PATJ: variants seen among roughly 807,000 people sequenced by gnomAD.
PATJ encodes PATJ crumbs cell polarity complex component, also known as inaD-like protein.
A neutral mutation model predicts 224.9 loss-of-function variants in PATJ; 190 were observed. That is an observed-to-expected ratio of 0.84 (90% confidence interval 0.75 to 0.95). The LOEUF is 0.95. PATJ is among the 40% of genes least tolerant of loss of function. PATJ has a pLI of 0.00. For synonymous variants in PATJ, 769 were observed against 820.3 expected, an observed-to-expected ratio of 0.94 and a Z score of 1.07; for missense variants, 2,121 against 2,270.3, an observed-to-expected ratio of 0.93 and a Z score of 1.34.
chr1:61,835,387 C>A (rs937164455), intron 17 of PATJ, among the ~76,000 whole-genome samples: 1 of 151,700 alleles, frequency 6.6e-6, no homozygotes, highest in Non-Finnish European at 1.5e-5. Flanking sequence ...ATAGGCCTGA[C>A]CTTTTTGTTT....
intron 17 of PATJ, among the ~76,000 whole-genome samples, chr1:61,841,247 G>T (rs1407078619): frequency 6.6e-6 from 1 of 152,018 alleles, no homozygotes; most frequent in African/African-American, 2.4e-5. Flanking sequence ...TGGTGGGGTT[G>T]GGGGGAGGGC....
At chr1:61,825,776 A>G (rs577355091) in intron 15 of PATJ, among the ~76,000 whole-genome samples, 1 of 152,250 alleles carries the variant, frequency 6.6e-6, no homozygotes, top group South Asian at 2.1e-4. Flanking sequence ...GCACTCCAAG[A>G]TAAAAACCTG....
intron 33 of PATJ, among the ~76,000 whole-genome samples, chr1:62,087,032 C>A (rs1228404526): frequency 6.6e-6 from 1 of 152,162 alleles, no homozygotes; most frequent in Non-Finnish European, 1.5e-5. Context: ...CTGCTCCCCA[C>A]CAGGGAGGGC....
At chr1:62,125,246 AAAAAAAACAAAAAAAAAC>A (rs1216262548) in intron 39 of PATJ, among the ~76,000 whole-genome samples, 1,191 of 103,096 alleles carry the variant, frequency 0.012, 150 homozygotes, top group Admixed American at 0.093. Context: ...CAAAAAAAAA[AAAAAAAACAAAAAAAAAC>A]AAAAAAAAAA....
intron 24 of PATJ, among the ~76,000 whole-genome samples, chr1:61,902,539 G>A (rs1371912840): frequency 1.3e-5 from 2 of 152,040 alleles, no homozygotes; most frequent in African/African-American, 4.8e-5. Flanking sequence ...ATTCAAAATC[G>A]ATAGCATTAT....
intron 17 of PATJ, among the ~76,000 whole-genome samples, chr1:61,842,364 CA>C (rs1661234442): frequency 6.6e-6 from 1 of 152,060 alleles, no homozygotes; most frequent in African/African-American, 2.4e-5. Flanking sequence ...ACGAATGTGG[CA>C]AAAAATCCCA....
intron 33 of PATJ, among the ~76,000 whole-genome samples, chr1:62,106,061 A>AAT (rs1553268212): frequency 3.1e-5 from 1 of 32,554 alleles, no homozygotes; most frequent in African/African-American, 1.1e-4. Flanking sequence ...AAAAAAAAAA[A>AAT]AAATATATAT....
chr1:62,073,219 A>T, intron 31 of PATJ: 1 of 985,320 alleles, frequency 1.0e-6, no homozygotes, highest in Non-Finnish European at 1.2e-6. Context: ...GAGGTTGTGG[A>T]GTGTCATGCA....
Position 61,914,665 on chromosome 1 carries a change from GT to G in PATJ, c.3570+2del. 1 of 1,552,500 alleles carries G rather than the reference GT, an allele frequency of 6.4e-7. No individual in the cohort carries two copies. On this transcript the variant is annotated splice_donor_variant, in intron 26 of 43. Coordinates refer to ENST00000642238, the MANE Select transcript of PATJ (RefSeq NM_001350145.3). LOFTEE classifies it high-confidence loss of function. ...GGACACCCAAGAAAAGAAAGAAAAG[GT>G]AACTTGAACCTCTCAAGGATTTAAA...
chr1:62,128,968 C>G, intron 41 of PATJ, 23 bp downstream of exon 41: 4 of 1,506,682 alleles, frequency 2.7e-6, no homozygotes, highest in Non-Finnish European at 3.7e-6. Context: ...ACGGAGCACG[C>G]AGCTGTGCAA....
chr1:62,116,485 G>A, intron 35 of PATJ, 47 bp from the exon 36 acceptor site: 1 of 1,603,784 alleles, frequency 6.2e-7, no homozygotes, highest in Non-Finnish European at 8.5e-7. Flanking sequence ...ATTATGCATG[G>A]AAATATTAGG....
chr1:61,834,443 A>ATT (rs531747983), intron 17 of PATJ, among the ~76,000 whole-genome samples: 11 of 152,284 alleles, frequency 7.2e-5, no homozygotes, highest in Admixed American at 2.0e-4. Context: ...GGGGAGGGAG[A>ATT]TGTAAAAGGT....
rs74612033 is a variant in PATJ, at chr1:61,779,614, A to G, written c.849+4280A>G. 1.6e-3 allele frequency among the ~76,000 whole-genome samples: 242 copies of G among 152,330 alleles called. 1 individual carries two copies. The highest frequency in any genetic ancestry group is 3.7e-3 in the Admixed American group (56 of 15,306). On this transcript the variant is annotated intron_variant, in intron 7 of 43. Coordinates refer to ENST00000642238, the MANE Select transcript of PATJ (RefSeq NM_001350145.3). The stretch of plus-strand genomic sequence containing the variant: ...ATTTAACTGTTATACCATCATTACC[A>G]CAATCAAGATAATGAGCGTATTCAT...
chr1:61,813,376 TATACAC>T (rs1315002920), intron 14 of PATJ, among the ~76,000 whole-genome samples: 1,962 of 36,254 alleles, frequency 0.054, 9 homozygotes, highest in Non-Finnish European at 0.078. Flanking sequence ...TATATATATA[TATACAC>T]ACACACACAC....
chr1:62,055,152 G>A (rs930434848), intron 31 of PATJ, among the ~76,000 whole-genome samples: 3 of 152,132 alleles, frequency 2.0e-5, no homozygotes, highest in African/African-American at 7.2e-5. Flanking sequence ...TAAAGAGAAG[G>A]AGAAGAATTA....
intron 33 of PATJ, among the ~76,000 whole-genome samples, chr1:62,091,476 A>C (rs868490797): frequency 1.3e-5 from 2 of 152,240 alleles, no homozygotes; most frequent in Non-Finnish European, 2.9e-5. Flanking sequence ...TGCCTATTTA[A>C]ACTGAGTTCA....
chr1:62,014,634 T>C (rs1646665092), intron 28 of PATJ, among the ~76,000 whole-genome samples: 1 of 148,372 alleles, frequency 6.7e-6, no homozygotes, highest in Admixed American at 6.8e-5. Context: ...TGGCACAATC[T>C]TGCCTCACTG....
At chr1:61,931,954 C>T (rs1244208578) in intron 27 of PATJ, among the ~76,000 whole-genome samples, 1 of 151,804 alleles carries the variant, frequency 6.6e-6, no homozygotes, top group Non-Finnish European at 1.5e-5. Flanking sequence ...ATATTACTTA[C>T]CTTTATAATG....
chr1:61,748,031 C>T (rs1027482564), intron 1 of PATJ, among the ~76,000 whole-genome samples: 5 of 152,108 alleles, frequency 3.3e-5, no homozygotes, highest in Admixed American at 3.3e-4. Context: ...CAGGCGTGCG[C>T]CACCACACCC....
Sources: allele counts gnomAD v4.1 joint callset (sites outside exome capture counted in the v4.1 genomes callset), GRCh38; gene constraint gnomAD v4.1.1; transcripts MANE v1.5; gene names NCBI Gene and HGNC (gene_info 2026-07-23, HGNC 2026-07-21).